Variants in MIPOL1 observed in about 807,000 individuals in gnomAD.
The protein encoded by MIPOL1 is mirror-image polydactyly 1.
In MIPOL1, 57 loss-of-function variants were observed where a neutral mutation model predicts 60.9. The ratio of observed to expected loss-of-function variants is 0.94; its 90% CI spans 0.76 to 1.17. The LOEUF is 1.17. Ranked by LOEUF, MIPOL1 falls within the 50% of genes most tolerant of loss-of-function variation. The pLI is 0.00. For synonymous variants in MIPOL1, 179 were observed against 168.8 expected (o/e 1.06, Z -0.47); for missense variants, 551 against 511.6 (o/e 1.08, Z -0.74).
At chr14:37,522,344 T>C (rs2095419747) in intron 12 of MIPOL1, among the ~76,000 whole-genome samples, 2 of 152,174 alleles carry the variant, frequency 1.3e-5, no homozygotes, top group Non-Finnish European at 2.9e-5. Flanking sequence ...GTTTACCATA[T>C]AACATAAAAT....
chr14:37,241,953 C>A (rs2153346868), intron 1 of MIPOL1, among the ~76,000 whole-genome samples: 1 of 137,650 alleles, frequency 7.3e-6, no homozygotes, highest in Non-Finnish European at 1.7e-5. Context: ...TTAATCCAAG[C>A]AAACACGCCA....
intron 12 of MIPOL1, among the ~76,000 whole-genome samples, chr14:37,526,562 T>A (rs1055868247): frequency 3.3e-5 from 5 of 149,866 alleles, no homozygotes; most frequent in Admixed American, 2.0e-4. Flanking sequence ...TTTTTTTTTT[T>A]AGTAGAGACG....
In MIPOL1 at chr14:37,204,873, A is replaced by G. The variant is rs1403181550; in HGVS notation, c.-199+6769A>G. Among the ~76,000 whole-genome samples, 4 of 152,112 alleles carry G rather than the reference A, an allele frequency of 2.6e-5. No homozygotes were observed. The East Asian group carries it at 5.8e-4, about 22-fold the overall frequency. ...TTTGGAGGGCTCAGAAGAAGACAGG[A>G]AAATGTGGGAAAGTTTGGAACTTCC... On this transcript the variant is annotated intron_variant, in intron 1 of 12. Coordinates refer to ENST00000684589, the MANE Select transcript of MIPOL1 (RefSeq NM_001388067.1).
At chr14:37,257,496 CTAGA>C (rs1345707674) in intron 3 of MIPOL1, among the ~76,000 whole-genome samples, 1 of 152,020 alleles carries the variant, frequency 6.6e-6, no homozygotes, top group Non-Finnish European at 1.5e-5. Context: ...TATGCAACAC[CTAGA>C]TAATTTATAA....
intron 9 of MIPOL1, among the ~76,000 whole-genome samples, chr14:37,348,836 T>G (rs1219886398): frequency 4.0e-5 from 6 of 148,984 alleles, no homozygotes; most frequent in Admixed American, 1.3e-4. Context: ...TTGTTTTTTT[T>G]TTTTTTTTTT....
intron 10 of MIPOL1, among the ~76,000 whole-genome samples, chr14:37,384,029 A>G (rs1456754796): frequency 1.3e-5 from 2 of 151,906 alleles, no homozygotes; most frequent in Non-Finnish European, 2.9e-5. Flanking sequence ...AAGGAAATTA[A>G]CTTCAATACT....
chr14:37,529,323 T>C (rs961391634), intron 12 of MIPOL1, among the ~76,000 whole-genome samples: 8 of 152,180 alleles, frequency 5.3e-5, no homozygotes, highest in Non-Finnish European at 8.8e-5. Context: ...AAAAATTGTG[T>C]CATGTATTTA....
At chr14:37,269,984 C>T (rs2083170451) in intron 5 of MIPOL1, among the ~76,000 whole-genome samples, 1 of 152,044 alleles carries the variant, frequency 6.6e-6, no homozygotes, top group African/African-American at 2.4e-5. Context: ...CCCGCCACCA[C>T]ACCTAGCTAA....
At chr14:37,479,245 A>C (rs763793076) in intron 11 of MIPOL1, among the ~76,000 whole-genome samples, 1 of 152,164 alleles carries the variant, frequency 6.6e-6, no homozygotes, top group Admixed American at 6.5e-5. Flanking sequence ...CACAATACAC[A>C]TTCTTCTCAA....
At chr14:37,352,849 A>C (rs2091506619) in intron 9 of MIPOL1, among the ~76,000 whole-genome samples, 1 of 115,026 alleles carries the variant, frequency 8.7e-6, no homozygotes, top group African/African-American at 3.4e-5. Flanking sequence ...TGTCATCTGC[A>C]AACAGGGACA....
intron 12 of MIPOL1, among the ~76,000 whole-genome samples, chr14:37,542,096 A>G (rs958468010): frequency 1.2e-4 from 18 of 152,060 alleles, no homozygotes; most frequent in Admixed American, 1.2e-3. Context: ...TTATCATACC[A>G]TTACAATTGC....
rs189379555 is a variant in MIPOL1 at position 37,446,891 on chromosome 14, A to G, written c.1031+23942A>G. Among the ~76,000 whole-genome samples the G allele has an allele frequency of 2.0e-5, 3 of 147,916 alleles. No individual in the cohort carries two copies. The East Asian group carries it at 6.2e-4, about 31-fold the overall frequency. The stretch of plus-strand genomic sequence containing the variant: ...TTGAAGAATGAGAACACATGGACAC[A>G]GGAAGGGGAGCATCACACTCTGGGG... On this transcript the variant is annotated intron_variant, in intron 11 of 12. Transcript: ENST00000684589.
chr14:37,311,581 C>T (rs1170055474), intron 9 of MIPOL1, among the ~76,000 whole-genome samples: 1 of 152,116 alleles, frequency 6.6e-6, no homozygotes, highest in Non-Finnish European at 1.5e-5. Context: ...TGTATACTTA[C>T]ACTTTTGAAT....
chr14:37,431,569 CTTTTT>C (rs869258490), intron 11 of MIPOL1, among the ~76,000 whole-genome samples: 2 of 64,852 alleles, frequency 3.1e-5, no homozygotes, highest in African/African-American at 6.4e-5. Flanking sequence ...ATCTCTGTTT[CTTTTT>C]TTTTTTTTTT....
chr14:37,551,311 G>A (rs546939119), downstream of MIPOL1: 3 of 151,934 alleles, frequency 2.0e-5, no homozygotes, highest in South Asian at 2.1e-4. Context: ...ATTTATAAAT[G>A]TACAATCCTG....
chr14:37,293,669 C>T (rs1009413789), intron 7 of MIPOL1, among the ~76,000 whole-genome samples: 9 of 152,172 alleles, frequency 5.9e-5, no homozygotes, highest in African/African-American at 1.9e-4. Flanking sequence ...ATATCCCACA[C>T]CTAGATCGGA....
At chr14:37,541,018 C>G (rs570770723) in intron 12 of MIPOL1, among the ~76,000 whole-genome samples, 5 of 152,264 alleles carry the variant, frequency 3.3e-5, no homozygotes, top group Non-Finnish European at 5.9e-5. Flanking sequence ...CCCTCTACTC[C>G]AGCTTCTGCA....
At position 37,487,498 on chromosome 14, in the gene MIPOL1, A is replaced by G. The variant is rs145398946; in HGVS notation, c.1032-12410A>G. Among the ~76,000 whole-genome samples, 870 of 152,266 alleles carry G rather than the reference A, an allele frequency of 5.7e-3. 10 individuals carry two copies. The highest frequency in any genetic ancestry group is 0.018 in the African/African-American group (751 of 41,564). On this transcript the variant is annotated intron_variant, in intron 11 of 12. Coordinates refer to ENST00000684589, the MANE Select transcript of MIPOL1 (RefSeq NM_001388067.1). Reference sequence around the variant, plus strand: ...TTTTTTGGTTGGTAGGCTATTAATTACTGACTCAATTTCAGAACTTGTTAT... The same window carrying G: ...TTTTTTGGTTGGTAGGCTATTAATTGCTGACTCAATTTCAGAACTTGTTAT...
chr14:37,234,942 ATTTTTTT>A (rs5807941), intron 1 of MIPOL1, among the ~76,000 whole-genome samples: 220 of 116,830 alleles, frequency 1.9e-3, no homozygotes, highest in Middle Eastern at 4.9e-3. Flanking sequence ...CGTACGGCTA[ATTTTTTT>A]TTTTTTTTTT....
Sources: gnomAD v4.1 joint callset for allele counts (sites outside exome capture counted in the v4.1 genomes callset) on GRCh38, gnomAD v4.1.1 for gene constraint, MANE v1.5 for transcripts, NCBI Gene and HGNC (gene_info 2026-07-23, HGNC 2026-07-21) for gene names.